Variants in GCNT2 observed in about 807,000 individuals in gnomAD.
GCNT2 encodes glucosaminyl (N-acetyl) transferase 2 (I blood group).
A neutral mutation model predicts 34.2 loss-of-function variants in GCNT2; 34 were observed. The observed-to-expected ratio is 1.00, with a 90% CI of 0.76 to 1.32. The LOEUF is 1.32. GCNT2 is among the 40% of genes most tolerant of loss of function. The probability of loss-of-function intolerance (pLI) is 0.00; values close to 1 mark genes in which losing one functional copy is unlikely to be tolerated. For synonymous variants in GCNT2, 212 were observed against 188.0 expected (o/e 1.13, Z -1.04); for missense variants, 584 against 489.4 (o/e 1.19, Z -1.82).
At chr6:10,566,455 A>G (rs1047569879) in intron 3 of GCNT2, among the ~76,000 whole-genome samples, 2 of 152,054 alleles carry the variant, frequency 1.3e-5, no homozygotes, top group African/African-American at 2.4e-5. Flanking sequence ...CACCATGCCC[A>G]GCTAATTTTT....
At chr6:10,605,936 A>T (rs180909654) in intron 3 of GCNT2, among the ~76,000 whole-genome samples, 1 of 152,144 alleles carries the variant, frequency 6.6e-6, no homozygotes, top group Non-Finnish European at 1.5e-5. Context: ...GTTCTCCCCA[A>T]TGATCTCTCC....
chr6:10,582,412 ATAT>A (rs1259501972), intron 3 of GCNT2, among the ~76,000 whole-genome samples: 9 of 125,180 alleles, frequency 7.2e-5, no homozygotes, highest in South Asian at 4.4e-4. Flanking sequence ...AAATAGTATA[ATAT>A]TTATTATATA....
At chr6:10,623,363 C>T (rs547258720) in intron 4 of GCNT2, among the ~76,000 whole-genome samples, 3 of 151,478 alleles carry the variant, frequency 2.0e-5, no homozygotes, top group Non-Finnish European at 4.4e-5. Context: ...ACAATCTCGG[C>T]TCACTGGAAC....
At chr6:10,585,033 G>C (rs1218869801) in intron 3 of GCNT2, among the ~76,000 whole-genome samples, 1 of 8,878 alleles carries the variant, frequency 1.1e-4, no homozygotes, top group Admixed American at 1.4e-3. Flanking sequence ...CCCATAGTCA[G>C]TGTGTGTGTG....
Position 10,524,281 on chromosome 6 carries a change from G to C in GCNT2, c.-469+2864G>C, listed in dbSNP as rs368321151. 3.5e-5 allele frequency among the ~76,000 whole-genome samples: 5 copies of C among 141,534 alleles called. No homozygotes were observed. In the East Asian group the frequency reaches 8.3e-4, roughly 23 times the overall value. 92.9% of individuals were successfully genotyped at this position (141,534 alleles called of 152,430 possible). A position where few individuals can be genotyped will look rare whatever the true frequency, so the allele number is the denominator to read the frequency against. ...TTTTTTTTTTTTTAGACGGAGTTTC[G>C]CTCTTGTTGCCTGGGCTGGAGTGCG... On this transcript the variant is annotated intron_variant, in intron 1 of 4. Transcript: ENST00000495262.
chr6:10,524,959 G>A (rs1415818793), intron 1 of GCNT2, among the ~76,000 whole-genome samples: 1 of 152,064 alleles, frequency 6.6e-6, no homozygotes, highest in Non-Finnish European at 1.5e-5. Flanking sequence ...CACAGACACT[G>A]AGAAAGTTTC....
At chr6:10,569,890 TTTC>T (rs1763473017) in intron 3 of GCNT2, among the ~76,000 whole-genome samples, 1 of 149,556 alleles carries the variant, frequency 6.7e-6, no homozygotes. Context: ...TTTCTTTTTC[TTTC>T]TTTCCTTCCT....
At chr6:10,598,356 C>T (rs1351114467) in intron 3 of GCNT2, among the ~76,000 whole-genome samples, 1 of 152,142 alleles carries the variant, frequency 6.6e-6, no homozygotes, top group Non-Finnish European at 1.5e-5. Context: ...ATTCAGTTAT[C>T]ACCTCCATCT....
chr6:10,557,001 T>TCC (rs763598223), intron 3 of GCNT2: 1 of 1,613,522 alleles, frequency 6.2e-7, no homozygotes, highest in South Asian at 1.1e-5. Flanking sequence ...GGGCAAGACT[T>TCC]CCCCCTGAAA....
At chr6:10,559,339 C>T (rs1367924824) in intron 3 of GCNT2, among the ~76,000 whole-genome samples, 1 of 152,126 alleles carries the variant, frequency 6.6e-6, no homozygotes, top group Non-Finnish European at 1.5e-5. Flanking sequence ...AGAATGCTAC[C>T]TTTTCTTCTC....
Position 10,559,056 on chromosome 6 carries a change from A to G in GCNT2, c.925+29220A>G, listed in dbSNP as rs1320655045. Among the ~76,000 whole-genome samples the G allele has an allele frequency of 5.3e-5, 8 of 150,832 alleles. No individual in the cohort carries two copies. The East Asian group carries it at 1.2e-3, about 22-fold the overall frequency. On this transcript the variant is annotated intron_variant, in intron 3 of 4. Transcript: ENST00000495262. Reference sequence around the variant, plus strand: ...GATGAGGGCATTTCATAAGTTAACAAAAGTCTAAATTGTTGCTTTTTTTTT... The same window carrying G: ...GATGAGGGCATTTCATAAGTTAACAGAAGTCTAAATTGTTGCTTTTTTTTT...
chr6:10,581,968 A>G, intron 3 of GCNT2: 2 of 384,560 alleles, frequency 5.2e-6, no homozygotes, highest in South Asian at 2.1e-4. Context: ...AGTAATATAT[A>G]TATATACACA....
rs1394286857 is a variant in GCNT2 at position 10,529,738 on chromosome 6, T to G, written c.827T>G (p.Phe276Cys). ...GCTCTCACAAGGGACTTTGCTAACT[T>G]CGTCCTCCAAGACCAGCTCGCACTT... ...YVALTRDFAN[F>C]VLQDQLALDL... Residue 276 changes from phenylalanine (F) to cysteine (C), a missense_variant, in exon 3 of 5, where the codon TTC becomes TGC. Phe to Cys is a radical substitution (Grantham distance 205). Transcript: ENST00000495262. 1.2e-6 allele frequency: 2 copies of G among 1,614,162 alleles called. No homozygotes were observed. Among genetic ancestry groups the G allele is most frequent in the Non-Finnish European group, 1.7e-6 (2 of 1,180,002 alleles).
chr6:10,608,973 TA>T lies in GCNT2; in HGVS notation c.926-12374del, dbSNP rs1377051659. Among the ~76,000 whole-genome samples, 7 of 152,292 alleles carry T rather than the reference TA, an allele frequency of 4.6e-5. No individual in the cohort carries two copies. The East Asian group carries it at 1.3e-3, about 29-fold the overall frequency. Reference sequence around the variant, plus strand: ...GGTGGCCAGAGAGCTCCTGGATGCCTAAAACCCCGGTGAATTGTTGTCAAGG... The same window carrying T: ...GGTGGCCAGAGAGCTCCTGGATGCCTAAACCCCGGTGAATTGTTGTCAAGG... On this transcript the variant is annotated intron_variant, in intron 3 of 4. Coordinates refer to ENST00000495262, the MANE Select transcript of GCNT2 (RefSeq NM_145649.5).
At chr6:10,621,287 G>A (rs1766022465) in intron 3 of GCNT2, 64 bp from the exon 4 acceptor site, 2 of 1,020,788 alleles carry the variant, frequency 2.0e-6, no homozygotes, top group Non-Finnish European at 3.1e-6. Flanking sequence ...AGGCTTAATT[G>A]ATGAAATTGA....
At chr6:10,532,491 A>G (rs1313200898) in intron 3 of GCNT2, among the ~76,000 whole-genome samples, 2 of 152,192 alleles carry the variant, frequency 1.3e-5, no homozygotes, top group East Asian at 3.9e-4. Context: ...GTGCAGTGGC[A>G]CAATCACGGC....
chr6:10,556,402 A>T, intron 3 of GCNT2: 1 of 1,613,480 alleles, frequency 6.2e-7, no homozygotes, highest in Non-Finnish European at 8.5e-7. Flanking sequence ...CGGTCTCTTG[A>T]CATTTCACCC....
chr6:10,549,473 A>G (rs1356413344), intron 3 of GCNT2, among the ~76,000 whole-genome samples: 1 of 151,634 alleles, frequency 6.6e-6, no homozygotes, highest in Non-Finnish European at 1.5e-5. Context: ...ACACTTCTCC[A>G]TCAGGGCATG....
chr6:10,556,439 C>T (rs747629933), intron 3 of GCNT2: 6 of 1,613,810 alleles, frequency 3.7e-6, no homozygotes, highest in South Asian at 2.2e-5. Flanking sequence ...TTTATCAATG[C>T]GTTACCTCTT....
Sources: allele counts gnomAD v4.1 joint callset (sites outside exome capture counted in the v4.1 genomes callset), GRCh38; gene constraint gnomAD v4.1.1; transcripts MANE v1.5; gene names NCBI Gene and HGNC (gene_info 2026-07-23, HGNC 2026-07-21).